THSD7B: variants seen among roughly 807,000 people sequenced by gnomAD.
THSD7B encodes the protein thrombospondin type-1 domain-containing protein 7B.
Under a neutral mutation model 213.6 loss-of-function variants are expected in THSD7B, and 138 were observed. The observed-to-expected ratio is 0.65, with a 90% CI of 0.56 to 0.74. THSD7B has a LOEUF of 0.74. Ranked by LOEUF, THSD7B falls within the 30% of genes least tolerant of loss-of-function variation. THSD7B has a pLI of 0.00. For missense variants in THSD7B, 1,931 were observed against 1,991.5 expected (o/e 0.97, Z 0.58); for synonymous variants, 742 against 687.0 (o/e 1.08, Z -1.25).
At chr2:137,563,428 T>C in intron 16 of THSD7B, 74 bp downstream of exon 16, 1 of 1,555,092 alleles carries the variant, frequency 6.4e-7, no homozygotes, top group Non-Finnish European at 8.8e-7. Flanking sequence ...ACAACAGTGA[T>C]GTTTATCCAA....
At chr2:137,249,239 AT>A (rs1682113725) in intron 10 of THSD7B, among the ~76,000 whole-genome samples, 2 of 151,892 alleles carry the variant, frequency 1.3e-5, no homozygotes, top group South Asian at 4.1e-4. Flanking sequence ...ATATTATTTT[AT>A]TTTTTCCTAT....
At chr2:137,359,499 C>G (rs1685206105) in intron 12 of THSD7B, among the ~76,000 whole-genome samples, 1 of 152,160 alleles carries the variant, frequency 6.6e-6, no homozygotes, top group Non-Finnish European at 1.5e-5. Flanking sequence ...CCAAGGAAAA[C>G]TACCAAGAGG....
At chr2:137,017,567 G>C (rs1410365877) in intron 2 of THSD7B, among the ~76,000 whole-genome samples, 2 of 152,102 alleles carry the variant, frequency 1.3e-5, no homozygotes, top group Non-Finnish European at 1.5e-5. Flanking sequence ...ATTTGGGTTG[G>C]AAATGGCAAA....
chr2:137,639,864 C>T (rs563515902), intron 20 of THSD7B, among the ~76,000 whole-genome samples: 7 of 152,184 alleles, frequency 4.6e-5, no homozygotes, highest in African/African-American at 9.6e-5. Context: ...ATACCTGTGC[C>T]GGTATGTATT....
intron 2 of THSD7B, among the ~76,000 whole-genome samples, chr2:137,006,888 G>C (rs906177599): frequency 1.3e-5 from 2 of 152,016 alleles, no homozygotes; most frequent in Non-Finnish European, 2.9e-5. Context: ...TTTTGAACCA[G>C]CACTAATGTT....
chr2:136,886,156 C>T (rs1411319413), intron 2 of THSD7B, among the ~76,000 whole-genome samples: 8 of 152,014 alleles, frequency 5.3e-5, no homozygotes, highest in East Asian at 1.9e-4. Context: ...TCAGGTGAGA[C>T]GGGTAACGGG....
At chr2:137,356,569 C>T (rs1189346719) in intron 12 of THSD7B, among the ~76,000 whole-genome samples, 1 of 152,190 alleles carries the variant, frequency 6.6e-6, no homozygotes, top group Non-Finnish European at 1.5e-5. Context: ...CCATGACTTG[C>T]TTTGGCTAAT....
chr2:136,873,586 A>G (rs374408805), intron 1 of THSD7B, among the ~76,000 whole-genome samples: 1 of 152,242 alleles, frequency 6.6e-6, no homozygotes, highest in African/African-American at 2.4e-5. Context: ...ACAAAGTCAC[A>G]AGATTGGAAA....
chr2:137,557,195 A>G (rs1680991309), intron 15 of THSD7B, among the ~76,000 whole-genome samples: 1 of 152,222 alleles, frequency 6.6e-6, no homozygotes, highest in Non-Finnish European at 1.5e-5. Flanking sequence ...AGCAGACCTA[A>G]TAGACATCTA....
At chr2:137,178,183 T>C (rs539447286) in intron 7 of THSD7B, among the ~76,000 whole-genome samples, 6 of 148,018 alleles carry the variant, frequency 4.1e-5, no homozygotes, top group Admixed American at 1.3e-4. Context: ...AAGCAGTGAG[T>C]AAATTTTTTT....
At chr2:137,408,932 T>C (rs1686588839) in intron 13 of THSD7B, among the ~76,000 whole-genome samples, 1 of 152,226 alleles carries the variant, frequency 6.6e-6, no homozygotes, top group Admixed American at 6.5e-5. Flanking sequence ...TGGAAATTTC[T>C]GGAGTAAACA....
intron 5 of THSD7B, among the ~76,000 whole-genome samples, 185 bp downstream of exon 5, chr2:137,115,478 G>A (rs1688432621): frequency 6.6e-6 from 1 of 152,110 alleles, no homozygotes; most frequent in South Asian, 2.1e-4. Flanking sequence ...GTTAAAAATA[G>A]TAGCAAAAAT....
intron 7 of THSD7B, among the ~76,000 whole-genome samples, chr2:137,176,995 A>C (rs1680370030): frequency 6.6e-6 from 1 of 152,212 alleles, no homozygotes; most frequent in South Asian, 2.1e-4. Context: ...AAAGATATTT[A>C]GTCAATCCAT....
chr2:137,482,684 G>GTT (rs1215979618), intron 15 of THSD7B, among the ~76,000 whole-genome samples: 1 of 135,612 alleles, frequency 7.4e-6, no homozygotes, highest in Non-Finnish European at 1.5e-5. Flanking sequence ...AAAGAAAACT[G>GTT]TTTTTTTTTT....
chr2:137,619,239 C>A (rs1041758215), intron 19 of THSD7B, among the ~76,000 whole-genome samples: 1 of 152,180 alleles, frequency 6.6e-6, no homozygotes, highest in East Asian at 1.9e-4. Flanking sequence ...AAAAGGGGAC[C>A]AGTTAACTCA....
intron 12 of THSD7B, among the ~76,000 whole-genome samples, chr2:137,345,593 G>C (rs1422140548): frequency 6.6e-6 from 1 of 151,436 alleles, no homozygotes; most frequent in Non-Finnish European, 1.5e-5. Context: ...CAAACTAAGA[G>C]TGAGAGAGAG....
At chr2:136,977,769 G>A (rs943332673) in intron 2 of THSD7B, among the ~76,000 whole-genome samples, 1 of 148,022 alleles carries the variant, frequency 6.8e-6, no homozygotes, top group Non-Finnish European at 1.5e-5. Context: ...TAGTTGTGTG[G>A]TTTTGAATGA....
intron 2 of THSD7B, among the ~76,000 whole-genome samples, chr2:136,996,291 G>GTCTCTCTC (rs70975734): frequency 3.8e-4 from 57 of 151,322 alleles, no homozygotes; most frequent in African/African-American, 9.2e-4. Context: ...AGTCAGACTG[G>GTCTCTCTC]TCTCTCTCTC....
At chr2:137,360,070 A>T (rs1195223027) in intron 12 of THSD7B, among the ~76,000 whole-genome samples, 1 of 152,220 alleles carries the variant, frequency 6.6e-6, no homozygotes, top group Non-Finnish European at 1.5e-5. Flanking sequence ...AATACTAAAA[A>T]TTAACTTGTC....
Sources: gnomAD v4.1 joint callset for allele counts (sites outside exome capture counted in the v4.1 genomes callset) on GRCh38, gnomAD v4.1.1 for gene constraint, MANE v1.5 for transcripts, NCBI Gene and HGNC (gene_info 2026-07-23, HGNC 2026-07-21) for gene names.